The following IREB2 variants were observed in gnomAD, a reference collection of about 807,000 sequenced individuals.
IREB2 encodes the protein iron-responsive element-binding protein 2.
In IREB2, 39 loss-of-function variants were observed where a neutral mutation model predicts 118.8. That is an observed-to-expected ratio of 0.33 (90% CI 0.25 to 0.43). IREB2 has a LOEUF of 0.43. Ranked by LOEUF, IREB2 falls within the 20% of genes least tolerant of loss-of-function variation. The pLI, the probability that IREB2 is intolerant of heterozygous loss-of-function variation, is 1.00. For synonymous variants in IREB2, 372 were observed against 392.2 expected (o/e 0.95, Z 0.61); for missense variants, 900 against 1,147.3 (o/e 0.78, Z 3.11).
chr15:78,439,672 C>G, intron 1 of IREB2, 123 bp from the exon 2 acceptor site: 1 of 623,400 alleles, frequency 1.6e-6, no homozygotes, highest in East Asian at 2.8e-5. Context: ...TACTGGACAG[C>G]TCAAACATAG....
At chr15:78,456,598 C>T (rs1360519571) in intron 2 of IREB2, among the ~76,000 whole-genome samples, 2 of 150,456 alleles carry the variant, frequency 1.3e-5, no homozygotes, top group Non-Finnish European at 2.9e-5. Flanking sequence ...CCCAGGAGGT[C>T]AAGGGTGTAG....
At chr15:78,467,639 G>A (rs757853891) in intron 5 of IREB2, among the ~76,000 whole-genome samples, 76 of 150,322 alleles carry the variant, frequency 5.1e-4, no homozygotes, top group Non-Finnish European at 8.3e-4. Flanking sequence ...ACAGTGAGCC[G>A]AGATCACGCC....
In IREB2 at chr15:78,486,755, G is replaced by A. The variant is rs568357420; in HGVS notation, c.1709+915G>A. Among the ~76,000 whole-genome samples, 31 of 152,092 alleles carry A rather than the reference G, an allele frequency of 2.0e-4. No individual in the cohort carries two copies. The South Asian group carries it at 2.3e-3, about 11-fold the overall frequency. On this transcript the variant is annotated intron_variant, in intron 13 of 21. Transcript: ENST00000258886. ...TGCAATCACAGCTCATTGCAGCCTCGACCTCCTAGGCTCAATCAGTCTTCC... is the reference window on the plus strand; with the variant it reads ...TGCAATCACAGCTCATTGCAGCCTCAACCTCCTAGGCTCAATCAGTCTTCC...
intron 1 of IREB2, 189 bp downstream of exon 1, chr15:78,438,545 G>C: frequency 4.7e-6 from 3 of 635,180 alleles, no homozygotes; most frequent in Non-Finnish European, 8.4e-6. Flanking sequence ...TGGGGCTCCC[G>C]ATCCCCACCC....
intron 8 of IREB2, chr15:78,475,959 C>T: frequency 5.8e-6 from 2 of 344,030 alleles, no homozygotes; most frequent in South Asian, 2.3e-4. Flanking sequence ...CTTGAGCTTT[C>T]AGGCCCCTTT....
At position 78,466,359 on chromosome 15, in the gene IREB2, C is replaced by CCCTGCAGAGGCCAGACTA; in HGVS notation, c.505_522dup (p.Gln171_Gly176dup). 6.2e-7 allele frequency: 1 copy of CCCTGCAGAGGCCAGACTA among 1,613,808 alleles called. No individual in the cohort carries two copies. The highest frequency in any genetic ancestry group is 8.5e-7 in the Non-Finnish European group (1 of 1,179,728). Reference sequence around the variant, plus strand: ...ACTTAAAGTGCAGCCTAAGAAGCTTCCCTGCAGAGGCCAGACTACCTGCCG... The same window carrying CCCTGCAGAGGCCAGACTA: ...ACTTAAAGTGCAGCCTAAGAAGCTTCCCTGCAGAGGCCAGACTACCTGCAGAGGCCAGACTACCTGCCG... On this transcript the variant is annotated inframe_insertion, in exon 5 of 22. Transcript: ENST00000258886.
rs1473828900 is a variant in IREB2 at position 78,497,255 on chromosome 15, A to G, written c.2725A>G (p.Thr909Ala). 2.5e-6 allele frequency: 4 copies of G among 1,613,892 alleles called. No homozygotes were observed. The highest frequency in any genetic ancestry group is 3.4e-6 in the Non-Finnish European group (4 of 1,179,876). ...TTCCTTGGGCCTCTCCGGTAGAGAA[A>G]CATTTTCTTTAACATTTCCTGAAGA... ...ADSLGLSGRE[T>A]FSLTFPEELS... is the part of the protein sequence containing the mutation. Residue 909 changes from threonine to alanine, a missense_variant, in exon 21 of 22, where the codon ACA becomes GCA. Transcript: ENST00000258886.
chr15:78,452,501 G>A (rs975364418), intron 2 of IREB2, among the ~76,000 whole-genome samples: 1 of 152,074 alleles, frequency 6.6e-6, no homozygotes, highest in African/African-American at 2.4e-5. Context: ...AAGCAGTATA[G>A]AGTAAGAAAA....
intron 10 of IREB2, among the ~76,000 whole-genome samples, chr15:78,480,827 G>A (rs952680903): frequency 6.6e-6 from 1 of 151,594 alleles, no homozygotes; most frequent in Non-Finnish European, 1.5e-5. Flanking sequence ...GGGTAACACG[G>A]TGAAACCCCA....
At chr15:78,478,177 T>C (rs2051504964) in intron 9 of IREB2, 120 bp from the exon 10 acceptor site, 1 of 635,928 alleles carries the variant, frequency 1.6e-6, no homozygotes, top group Non-Finnish European at 2.8e-6. Flanking sequence ...AAGGTTGCAG[T>C]GAGCTGTGAT....
chr15:78,493,169 G>T (rs1294452191), intron 18 of IREB2, among the ~76,000 whole-genome samples: 1 of 151,726 alleles, frequency 6.6e-6, no homozygotes, highest in Non-Finnish European at 1.5e-5. Flanking sequence ...CACAATGTGG[G>T]TACAGAAAAC....
chr15:78,488,427 C>G (rs550427312), intron 15 of IREB2, 91 bp downstream of exon 15: 29 of 1,148,240 alleles, frequency 2.5e-5, no homozygotes, highest in Non-Finnish European at 3.4e-5. Context: ...ACCATCTATT[C>G]TTTGAATTAT....
rs1168609645 is a variant in IREB2 at position 78,485,195 on chromosome 15, G to A, written c.1573+275G>A. On this transcript the variant is annotated intron_variant, in intron 12 of 21. Coordinates refer to ENST00000258886, the MANE Select transcript of IREB2 (RefSeq NM_004136.4). ...AATTTAGAACTATAGTTAATTAGCA[G>A]GTATTTCTTGATTATCTAGAAGTTA... 1.3e-5 allele frequency among the ~76,000 whole-genome samples: 2 copies of A among 152,098 alleles called. 1 individual carries two copies. The highest frequency in any genetic ancestry group is 2.9e-5 in the Non-Finnish European group (2 of 68,020).
chr15:78,449,978 G>A (rs941083670), intron 2 of IREB2, among the ~76,000 whole-genome samples: 26 of 152,302 alleles, frequency 1.7e-4, no homozygotes, highest in African/African-American at 5.8e-4. Context: ...TGTCCTTAAA[G>A]GGTTAGCTTT....
At chr15:78,473,486 G>A in intron 8 of IREB2, 105 bp downstream of exon 8, 1 of 789,346 alleles carries the variant, frequency 1.3e-6, no homozygotes, top group Non-Finnish European at 2.1e-6. Flanking sequence ...GCATCCTCAG[G>A]TCTCTTGACG....
chr15:78,448,126 A>AATGT (rs565311963), intron 2 of IREB2, among the ~76,000 whole-genome samples: 109 of 152,152 alleles, frequency 7.2e-4, no homozygotes, highest in Admixed American at 2.2e-3. Context: ...TCTCAATGGC[A>AATGT]ATGTATGTAT....
At chr15:78,474,437 A>G (rs1013656826) in intron 8 of IREB2, 1 of 152,250 alleles carries the variant, frequency 6.6e-6, no homozygotes, top group African/African-American at 2.4e-5. Context: ...TGGGAATTGC[A>G]GGATTATTCC....
intron 16 of IREB2, 88 bp from the exon 17 acceptor site, chr15:78,490,334 A>G (rs2051728780): frequency 5.1e-6 from 4 of 777,552 alleles, no homozygotes; most frequent in South Asian, 3.6e-5. Context: ...CCTAAGTACT[A>G]TTTTATTCCC....
intron 21 of IREB2, 27 bp downstream of exon 21, chr15:78,497,338 A>T: frequency 7.0e-7 from 1 of 1,431,404 alleles, no homozygotes; most frequent in East Asian, 2.3e-5. Flanking sequence ...CAAATATATG[A>T]TTATGCACTC....
Sources: gnomAD v4.1 joint callset for allele counts (sites outside exome capture counted in the v4.1 genomes callset) on GRCh38, gnomAD v4.1.1 for gene constraint, MANE v1.5 for transcripts, NCBI Gene and HGNC (gene_info 2026-07-23, HGNC 2026-07-21) for gene names.